SUPT3H: variants seen among roughly 807,000 people sequenced by gnomAD.
SUPT3H encodes SPT3 homolog, SAGA and STAGA complex component.
SUPT3H carries 44 observed loss-of-function variants against 44.3 expected under a neutral mutation model. The ratio of observed to expected loss-of-function variants is 0.99; its 90% CI spans 0.78 to 1.28. The LOEUF (loss-of-function observed/expected upper bound fraction) is 1.28. Among genes scored for constraint, SUPT3H ranks in the 50% most tolerant of loss-of-function variants. SUPT3H has a pLI of 0.00. For synonymous variants in SUPT3H, 124 were observed against 125.6 expected, an observed-to-expected ratio of 0.99 and a Z score of 0.09; for missense variants, 380 against 387.1, an observed-to-expected ratio of 0.98 and a Z score of 0.15.
intron 6 of SUPT3H, among the ~76,000 whole-genome samples, chr6:45,002,861 A>G (rs1762240174): frequency 1.5e-5 from 1 of 67,766 alleles, no homozygotes; most frequent in Admixed American, 1.9e-4. Flanking sequence ...AAACTATAAA[A>G]AAGTTGGCAC....
At chr6:45,071,509 T>C (rs897269342) in intron 3 of SUPT3H, among the ~76,000 whole-genome samples, 2 of 152,090 alleles carry the variant, frequency 1.3e-5, no homozygotes, top group Non-Finnish European at 2.9e-5. Flanking sequence ...AGAGAATCAG[T>C]TGTCTTAGCC....
At chr6:45,062,519 C>G (rs868255585) in intron 3 of SUPT3H, among the ~76,000 whole-genome samples, 2 of 152,142 alleles carry the variant, frequency 1.3e-5, no homozygotes, top group Non-Finnish European at 2.9e-5. Flanking sequence ...ACGCAGAAGA[C>G]GGGTGATTTC....
chr6:44,920,381 G>T (rs114256353), intron 10 of SUPT3H, among the ~76,000 whole-genome samples: 1 of 151,930 alleles, frequency 6.6e-6, no homozygotes, highest in Non-Finnish European at 1.5e-5. Flanking sequence ...AGACCAGTCC[G>T]GGCAAGAGAG....
chr6:45,152,385 G>A (rs1027654275), intron 2 of SUPT3H, among the ~76,000 whole-genome samples: 7 of 150,688 alleles, frequency 4.6e-5, no homozygotes, highest in African/African-American at 1.7e-4. Context: ...CTTAAGCGAA[G>A]CTGCTATCAT....
chr6:44,909,722 C>T (rs1242043100), intron 10 of SUPT3H, among the ~76,000 whole-genome samples: 1 of 152,124 alleles, frequency 6.6e-6, no homozygotes, highest in Non-Finnish European at 1.5e-5. Context: ...TCCTCAAGGC[C>T]TGTAGGTAAG....
At chr6:45,006,183 T>C (rs1056313465) in intron 5 of SUPT3H, among the ~76,000 whole-genome samples, 1 of 152,158 alleles carries the variant, frequency 6.6e-6, no homozygotes, top group Non-Finnish European at 1.5e-5. Context: ...TTATTTACCA[T>C]TTATTTGTTC....
At chr6:44,822,647 C>T (rs1386520985), downstream of SUPT3H, among the ~76,000 whole-genome samples, 1 of 152,166 alleles carries the variant, frequency 6.6e-6, no homozygotes, top group Non-Finnish European at 1.5e-5. Context: ...ACAAAGGCCA[C>T]AAGAAACCTG....
intron 2 of SUPT3H, among the ~76,000 whole-genome samples, chr6:45,204,289 G>T (rs1220162929): frequency 1.3e-5 from 2 of 149,350 alleles, no homozygotes; most frequent in Non-Finnish European, 3.0e-5. Context: ...AGAACCACCT[G>T]TATCTCTTTT....
chr6:45,174,739 T>C (rs1241201678), intron 2 of SUPT3H, among the ~76,000 whole-genome samples: 1 of 146,708 alleles, frequency 6.8e-6, no homozygotes, highest in Non-Finnish European at 1.5e-5. Flanking sequence ...GAAACTAAAT[T>C]ATATTCTCCA....
intron 2 of SUPT3H, among the ~76,000 whole-genome samples, chr6:45,120,848 G>A (rs1801558276): frequency 6.6e-6 from 1 of 152,084 alleles, no homozygotes; most frequent in Admixed American, 6.5e-5. Flanking sequence ...AATTTCTCAG[G>A]TTCTGAGATA....
chr6:45,345,581 T>A (rs953180822), intron 2 of SUPT3H, among the ~76,000 whole-genome samples: 1 of 152,144 alleles, frequency 6.6e-6, no homozygotes, highest in Admixed American at 6.5e-5. Flanking sequence ...AATTCTCTAA[T>A]CTCATAAATC....
intron 10 of SUPT3H, among the ~76,000 whole-genome samples, chr6:44,893,735 C>T (rs1405868153): frequency 2.1e-5 from 3 of 145,518 alleles, no homozygotes; most frequent in African/African-American, 7.6e-5. Context: ...GGGTATATAC[C>T]CAGTAATGGG....
intron 3 of SUPT3H, among the ~76,000 whole-genome samples, chr6:45,084,721 T>A (rs1796271941): frequency 6.6e-6 from 1 of 152,092 alleles, no homozygotes; most frequent in African/African-American, 2.4e-5. Context: ...TAGGTGTCCA[T>A]CAACAGTATA....
At chr6:45,032,996 CGCT>C (rs1787171490) in intron 3 of SUPT3H, among the ~76,000 whole-genome samples, 1 of 152,092 alleles carries the variant, frequency 6.6e-6, no homozygotes, top group African/African-American at 2.4e-5. Context: ...GAAGACTGAG[CGCT>C]GCTGGCTCCT....
At chr6:45,295,781 C>T (rs1781088374) in intron 2 of SUPT3H, among the ~76,000 whole-genome samples, 1 of 151,848 alleles carries the variant, frequency 6.6e-6, no homozygotes, top group South Asian at 2.1e-4. Context: ...ATGATCAATA[C>T]CACCAAATCC....
At chr6:45,292,990 G>C (rs903631700) in intron 2 of SUPT3H, among the ~76,000 whole-genome samples, 2 of 151,984 alleles carry the variant, frequency 1.3e-5, no homozygotes, top group African/African-American at 4.8e-5. Flanking sequence ...AATGAACTTA[G>C]CAGATATATA....
chr6:45,166,127 T>C (rs1436305132), intron 2 of SUPT3H, among the ~76,000 whole-genome samples: 8 of 152,194 alleles, frequency 5.3e-5, no homozygotes, highest in Middle Eastern at 3.4e-3. Context: ...ATGTCATCTC[T>C]ACAAAAAATT....
intron 10 of SUPT3H, among the ~76,000 whole-genome samples, chr6:44,931,968 AACTTT>A (rs1770661339): frequency 6.6e-6 from 1 of 152,170 alleles, no homozygotes; most frequent in Non-Finnish European, 1.5e-5. Context: ...AGGTATATCA[AACTTT>A]ACTTTCTGTT....
At chr6:45,249,179 T>A (rs1771922440) in intron 2 of SUPT3H, among the ~76,000 whole-genome samples, 1 of 152,296 alleles carries the variant, frequency 6.6e-6, no homozygotes, top group Admixed American at 6.5e-5. Flanking sequence ...CTGACTAATA[T>A]TCATATGTTA....
Sources: gnomAD v4.1 joint callset for allele counts (sites outside exome capture counted in the v4.1 genomes callset) on GRCh38, gnomAD v4.1.1 for gene constraint, MANE v1.5 for transcripts, NCBI Gene and HGNC (gene_info 2026-07-23, HGNC 2026-07-21) for gene names.